Variants in SBNO1 observed in about 807,000 individuals in gnomAD.
The protein encoded by SBNO1 is strawberry notch homolog 1.
In SBNO1, 23 loss-of-function variants were observed where a neutral mutation model predicts 173.6. That is an observed-to-expected ratio of 0.13 (90% confidence interval 0.10 to 0.19). The LOEUF (loss-of-function observed/expected upper bound fraction) is 0.19. SBNO1 is among the 10% of genes least tolerant of loss of function. The probability of loss-of-function intolerance (pLI) is 1.00; values close to 1 mark genes in which losing one functional copy is unlikely to be tolerated. For missense variants in SBNO1, 1,238 were observed against 1,671.2 expected (o/e 0.74, Z 4.52); for synonymous variants, 632 against 571.5 (o/e 1.11, Z -1.51).
In SBNO1 at chr12:123,341,199, C is replaced by T. The variant is rs578112165; in HGVS notation, c.551-111G>A. 8.1e-6 allele frequency: 5 copies of T among 617,920 alleles called. No individual in the cohort carries two copies. The East Asian group carries it at 1.2e-4, about 15-fold the overall frequency. The allele number at this position is 617,920 out of a possible 1,614,324, so 38.3% of individuals were successfully genotyped here. ...CTGCGGTGGCTCACACCTGTAATCC[C>T]AGCATTTTTGGGACACCAAGGCGGG... On this transcript the variant is annotated intron_variant, in intron 4 of 31. Transcript: ENST00000602398.
At position 123,333,877 on chromosome 12, in the gene SBNO1, T is replaced by C. The variant is rs7484644; in HGVS notation, c.909+176A>G. Among the ~76,000 whole-genome samples the C allele has an allele frequency of 0.95, 145,001 of 152,242 alleles. 69,181 individuals carry two copies. Among genetic ancestry groups the C allele is most frequent in the Non-Finnish European group, 0.96 (65,521 of 68,028 alleles). ...TAACATTTGCCATTTCCACTGGAAATGCACTATCTGTATCTCTGCTACACT... is the reference window on the plus strand; with the variant it reads ...TAACATTTGCCATTTCCACTGGAAACGCACTATCTGTATCTCTGCTACACT... On this transcript the variant is annotated intron_variant, in intron 7 of 31. Transcript: ENST00000602398.
In SBNO1 at chr12:123,321,519, A is replaced by G; in HGVS notation, c.2323+16T>C. 6.4e-7 allele frequency: 1 copy of G among 1,556,384 alleles called. No individual in the cohort carries two copies. Among genetic ancestry groups the G allele is most frequent in the Non-Finnish European group, 8.9e-7 (1 of 1,127,862 alleles). Reference sequence around the variant, plus strand: ...ATATTATATGCTTTCGTGTATATTTAATATACTGAACTTACCATTTTCATC... The same window carrying G: ...ATATTATATGCTTTCGTGTATATTTGATATACTGAACTTACCATTTTCATC... On this transcript the variant is annotated intron_variant, in intron 17 of 31. Coordinates refer to ENST00000602398, the MANE Select transcript of SBNO1 (RefSeq NM_001167856.3).
intron 1 of SBNO1, among the ~76,000 whole-genome samples, chr12:123,360,009 G>A (rs1258203217): frequency 6.6e-6 from 1 of 152,106 alleles, no homozygotes; most frequent in Non-Finnish European, 1.5e-5. Context: ...GGGAGGCCAA[G>A]CCGGTTGGTC....
In SBNO1 at chr12:123,304,738, A is replaced by C; in HGVS notation, c.3631-19T>G. ...TCCTTATCTGTTTAAAGAAAATGAC[A>C]AAATATAAAGATTTTATAATACACA... is the stretch of plus-strand genomic sequence containing the variant. On this transcript the variant is annotated intron_variant, in intron 28 of 31. Transcript: ENST00000602398. The C allele has an allele frequency of 7.1e-7, 1 of 1,416,276 alleles. No individual in the cohort carries two copies. Among genetic ancestry groups the C allele is most frequent in the Non-Finnish European group, 9.8e-7 (1 of 1,021,576 alleles). The allele number at this position is 1,416,276 out of a possible 1,614,324, so 87.7% of individuals were successfully genotyped here.
intron 7 of SBNO1, among the ~76,000 whole-genome samples, chr12:123,331,829 A>G (rs1259556132): frequency 6.7e-6 from 1 of 148,538 alleles, no homozygotes; most frequent in South Asian, 2.1e-4. Context: ...CAAATTTTAT[A>G]GTTTTGGCTT....
chr12:123,345,101 T>G (rs1478266013), intron 4 of SBNO1, among the ~76,000 whole-genome samples, 157 bp downstream of exon 4: 1 of 152,212 alleles, frequency 6.6e-6, no homozygotes, highest in Admixed American at 6.5e-5. Context: ...AAACTTTTGC[T>G]TCCCTTGAAT....
chr12:123,299,614 G>T (rs1036635285), intron 30 of SBNO1, among the ~76,000 whole-genome samples: 1 of 143,000 alleles, frequency 7.0e-6, no homozygotes, highest in Non-Finnish European at 1.5e-5. Flanking sequence ...CTCAGAGGCG[G>T]AGCTTGCAGT....
chr12:123,311,260 G>A (rs892633375), intron 24 of SBNO1, 131 bp from the exon 25 acceptor site: 2 of 662,702 alleles, frequency 3.0e-6, no homozygotes, highest in African/African-American at 3.6e-5. Context: ...ATATAAACAT[G>A]GAGAAAATGT....
In SBNO1 at chr12:123,331,634, T is replaced by G. The variant is rs868584091; in HGVS notation, c.910-259A>C. On this transcript the variant is annotated intron_variant, in intron 7 of 31. Transcript: ENST00000602398. ...CCTCCCGGGTTCACACCATTCTCCT[T>G]CCTCAGCCTCCTGAGTAGGTGGGAC... 4.6e-5 allele frequency among the ~76,000 whole-genome samples: 7 copies of G among 151,806 alleles called. No individual in the cohort carries two copies. In the East Asian group the frequency reaches 7.8e-4, roughly 17 times the overall value.
intron 6 of SBNO1, among the ~76,000 whole-genome samples, 172 bp downstream of exon 6, chr12:123,336,223 C>T (rs1420871604): frequency 6.6e-6 from 1 of 152,002 alleles, no homozygotes; most frequent in Admixed American, 6.6e-5. Flanking sequence ...TTTATAATCA[C>T]TACTCCTATG....
chr12:123,360,831 G>C (rs1213672720), intron 1 of SBNO1, among the ~76,000 whole-genome samples: 1 of 152,138 alleles, frequency 6.6e-6, no homozygotes, highest in Non-Finnish European at 1.5e-5. Context: ...AAAACCTACA[G>C]GTTGGGCACA....
Position 123,293,101 on chromosome 12 carries a change from T to C in SBNO1, c.*2807A>G, listed in dbSNP as rs1053754917. On this transcript the variant is annotated 3_prime_UTR_variant, in exon 32 of 32. Transcript: ENST00000602398. ...CCAAATCTTTGTGCTCAGAGCCATATTGCTAAAAAGAAAAAGGCATTGCAG... is the reference window on the plus strand; with the variant it reads ...CCAAATCTTTGTGCTCAGAGCCATACTGCTAAAAAGAAAAAGGCATTGCAG... The C allele has an allele frequency of 2.0e-5, 3 of 152,172 alleles. No individual in the cohort carries two copies. Among genetic ancestry groups the C allele is most frequent in the Non-Finnish European group, 2.9e-5 (2 of 68,020 alleles). The allele number at this position is 152,172 out of a possible 1,614,324, so 9.4% of individuals were successfully genotyped here.
chr12:123,336,373 C>CT, intron 6 of SBNO1, 22 bp downstream of exon 6: 2 of 1,400,958 alleles, frequency 1.4e-6, no homozygotes, highest in Non-Finnish European at 2.0e-6. Context: ...ATGTAAATAT[C>CT]TGACAAATCC....
intron 7 of SBNO1, 81 bp from the exon 8 acceptor site, chr12:123,331,456 G>A: frequency 1.6e-6 from 1 of 620,230 alleles, no homozygotes. Context: ...TTTAGGAGTA[G>A]GAATATGTTA....
Position 123,348,093 on chromosome 12 carries a change from T to A in SBNO1, c.173A>T (p.Glu58Val). ...TTCTTGTTTAACAGGAACTGCTGCT[T>A]CGGTCTCCAAACCTAGTTCTAATGC... ...LSALELGLET[E>V]AAVPVKQEPE... is the part of the protein sequence containing the mutation. The change falls in exon 3 of 32, where the codon GAA (glutamate) becomes GTA (valine). Residue 58 changes from glutamate (E) to valine (V), a missense_variant. Coordinates refer to ENST00000602398, the MANE Select transcript of SBNO1 (RefSeq NM_001167856.3). The A allele has an allele frequency of 6.2e-7, 1 of 1,612,164 alleles. No individual in the cohort carries two copies. Among genetic ancestry groups the A allele is most frequent in the Non-Finnish European group, 8.5e-7 (1 of 1,178,496 alleles).
intron 30 of SBNO1, among the ~76,000 whole-genome samples, chr12:123,299,393 A>G (rs1382724001): frequency 4.0e-5 from 6 of 150,784 alleles, no homozygotes; most frequent in Non-Finnish European, 5.9e-5. Context: ...AAACAAAACA[A>G]AAAACTGGCT....
intron 15 of SBNO1, among the ~76,000 whole-genome samples, chr12:123,324,885 T>C (rs1870436383): frequency 6.6e-6 from 1 of 152,054 alleles, no homozygotes; most frequent in Non-Finnish European, 1.5e-5. Context: ...CTTGGCTCAC[T>C]GCAACCTCCA....
intron 24 of SBNO1, among the ~76,000 whole-genome samples, chr12:123,311,750 T>A (rs56281587): frequency 0.092 from 11,879 of 129,788 alleles, 651 homozygotes; most frequent in Non-Finnish European, 0.13. Flanking sequence ...ATATATATAT[T>A]TTTGCGACAG....
At chr12:123,362,903 C>G (rs556305016) in intron 1 of SBNO1, among the ~76,000 whole-genome samples, 1 of 151,228 alleles carries the variant, frequency 6.6e-6, no homozygotes, top group African/African-American at 2.4e-5. Context: ...ATGGTGAGAC[C>G]CCCGCCTCTC....
Sources: gnomAD v4.1 joint callset for allele counts (sites outside exome capture counted in the v4.1 genomes callset) on GRCh38, gnomAD v4.1.1 for gene constraint, MANE v1.5 for transcripts, NCBI Gene and HGNC (gene_info 2026-07-23, HGNC 2026-07-21) for gene names.